PLK4: variants seen among roughly 807,000 people sequenced by gnomAD.
PLK4 encodes the protein polo like kinase 4.
Under a neutral mutation model 103.0 loss-of-function variants are expected in PLK4, and 51 were observed. The ratio of observed to expected loss-of-function variants is 0.50; its 90% confidence interval spans 0.40 to 0.63. The LOEUF (loss-of-function observed/expected upper bound fraction) is 0.63, where lower values mean the gene tolerates loss of function less well. Among genes scored for constraint, PLK4 ranks in the 20% least tolerant of loss-of-function variants. PLK4 has a pLI of 0.00. For missense variants in PLK4, 1,054 were observed against 1,151.0 expected, an observed-to-expected ratio of 0.92 and a Z score of 1.22; for synonymous variants, 389 against 376.8, an observed-to-expected ratio of 1.03 and a Z score of -0.38.
intron 10 of PLK4, 100 bp downstream of exon 10, chr4:127,892,614 T>C (rs1436731286): frequency 5.8e-6 from 5 of 863,002 alleles, no homozygotes; most frequent in Non-Finnish European, 9.3e-6. Context: ...GTTTTAAAGA[T>C]GTGTATGTAT....
Position 127,886,724 on chromosome 4 carries a change from G to T in PLK4, c.1354G>T (p.Ala452Ser). 3 of 1,588,360 alleles carry T rather than the reference G, an allele frequency of 1.9e-6. No individual in the cohort carries two copies. The South Asian group carries it at 3.4e-5, about 18-fold the overall frequency. ...GSFERPDNNQ[A>S]LSNHLCPGKT... ...TTTTGAAAGACCTGATAACAATCAA[G>T]CACTGTAAGAATAATTCTATCAGAG... The change falls in exon 5 of 16, where the codon GCA (alanine) becomes TCA (serine). Residue 452 changes from alanine to serine, a missense_variant. Physicochemically the swap from Ala to Ser is moderately conservative, Grantham distance 99. Transcript: ENST00000270861.
chr4:127,880,999 A>G lies in PLK4; in HGVS notation c.-136A>G, dbSNP rs897209984. ...GTCAGGGAGAACTTTCCGTGGTTTC[A>G]GCGTCGTCGCCTGGAGCGGCGGTTT... On this transcript the variant is annotated 5_prime_UTR_variant, in exon 1 of 16. Coordinates refer to ENST00000270861, the MANE Select transcript of PLK4 (RefSeq NM_014264.5). 3.2e-6 allele frequency: 3 copies of G among 950,514 alleles called. No individual in the cohort carries two copies. In the Admixed American group the frequency reaches 6.6e-5, roughly 21 times the overall value. The allele number at this position is 950,514 out of a possible 1,614,324, so 58.9% of individuals were successfully genotyped here. A position where few individuals can be genotyped will look rare whatever the true frequency, so the allele number is the denominator to read the frequency against.
Position 127,886,745 on chromosome 4 carries a change from CAG to C in PLK4, c.1358+20_1358+21del. ...TCAAGCACTGTAAGAATAATTCTAT[CAG>C]AGGCATTTTGTTTTTTGGTAACATT... On this transcript the variant is annotated intron_variant, in intron 5 of 15. Coordinates refer to ENST00000270861, the MANE Select transcript of PLK4 (RefSeq NM_014264.5). The C allele has an allele frequency of 6.5e-7, 1 of 1,532,876 alleles. No individual in the cohort carries two copies. Among genetic ancestry groups the C allele is most frequent in the East Asian group, 2.3e-5 (1 of 44,438 alleles). The allele number at this position is 1,532,876 out of a possible 1,614,324, so 95.0% of individuals were successfully genotyped here. A position where few individuals can be genotyped will look rare whatever the true frequency, so the allele number is the denominator to read the frequency against.
rs773608097 is a variant in PLK4, at chr4:127,881,011, T to G, written c.-124T>G. The G allele has an allele frequency of 9.1e-7, 1 of 1,104,516 alleles. No individual in the cohort carries two copies. Among genetic ancestry groups the G allele is most frequent in the Non-Finnish European group, 1.4e-6 (1 of 740,674 alleles). The allele number at this position is 1,104,516 out of a possible 1,614,324, so 68.4% of individuals were successfully genotyped here. On this transcript the variant is annotated 5_prime_UTR_variant, in exon 1 of 16. Transcript: ENST00000270861. Reference sequence around the variant, plus strand: ...TTTCCGTGGTTTCAGCGTCGTCGCCTGGAGCGGCGGTTTAGAGAGCCGAGC... The same window carrying G: ...TTTCCGTGGTTTCAGCGTCGTCGCCGGGAGCGGCGGTTTAGAGAGCCGAGC...
intron 14 of PLK4, among the ~76,000 whole-genome samples, chr4:127,895,865 G>C (rs979941922): frequency 6.6e-6 from 1 of 152,144 alleles, no homozygotes; most frequent in African/African-American, 2.4e-5. Flanking sequence ...GGAGTTTGAG[G>C]CCAGCCTGGG....
At position 127,894,024 on chromosome 4, in the gene PLK4, A is replaced by C. The variant is rs530234421; in HGVS notation, c.2562+143A>C. Reference sequence around the variant, plus strand: ...TGAGCCACTTTATCCCATACTATTTATGTTTGAGCGTCAAAGGCCTTCTTT... The same window carrying C: ...TGAGCCACTTTATCCCATACTATTTCTGTTTGAGCGTCAAAGGCCTTCTTT... On this transcript the variant is annotated intron_variant, in intron 13 of 15. Transcript: ENST00000270861. 6.9e-6 allele frequency: 4 copies of C among 579,134 alleles called. No individual in the cohort carries two copies. In the East Asian group the frequency reaches 1.1e-4, roughly 17 times the overall value. The allele number at this position is 579,134 out of a possible 1,614,324, so 35.9% of individuals were successfully genotyped here. A position where few individuals can be genotyped will look rare whatever the true frequency, so the allele number is the denominator to read the frequency against.
At chr4:127,891,409 A>C (rs957242071) in intron 8 of PLK4, among the ~76,000 whole-genome samples, 170 bp from the exon 9 acceptor site, 2 of 151,946 alleles carry the variant, frequency 1.3e-5, no homozygotes, top group Admixed American at 1.3e-4. Flanking sequence ...AGAAAATCTA[A>C]ACTTTTGGTT....
rs546049932 is a variant in PLK4, at chr4:127,895,369, C to G, written c.2703+276C>G. On this transcript the variant is annotated intron_variant, in intron 14 of 15. Transcript: ENST00000270861. ...TTTAAAGTAGAGGTCATGATAATTA[C>G]TAATTGTGAAGAGTAGAGTGTGATA... is the stretch of plus-strand genomic sequence containing the variant. 4.1e-5 allele frequency among the ~76,000 whole-genome samples: 6 copies of G among 147,334 alleles called. No homozygotes were observed. In the Admixed American group the frequency reaches 4.1e-4, roughly 10 times the overall value.
At chr4:127,881,724 T>G (rs748886063) in intron 1 of PLK4, 107 bp from the exon 2 acceptor site, 1 of 717,506 alleles carries the variant, frequency 1.4e-6, no homozygotes, top group Non-Finnish European at 2.4e-6. Context: ...CCGCTTGAAT[T>G]TTGTCAAATT....
chr4:127,898,311 T>A (rs1009728109), intron 15 of PLK4, 128 bp from the exon 16 acceptor site: 6 of 575,196 alleles, frequency 1.0e-5, no homozygotes, highest in African/African-American at 9.7e-5. Flanking sequence ...TAAATAATTG[T>A]TATAATTTTT....
chr4:127,889,987 C>T lies in PLK4; in HGVS notation c.1581C>T (p.Asn527=), dbSNP rs1464933065. 2 of 1,614,026 alleles carry T rather than the reference C, an allele frequency of 1.2e-6. No homozygotes were observed. Residue 527 remains asparagine (N), a synonymous_variant, in exon 7 of 16, where the codon AAC becomes AAT. Coordinates refer to ENST00000270861, the MANE Select transcript of PLK4 (RefSeq NM_014264.5). Reference sequence around the variant, plus strand: ...GGACTGATACAAAAGTCAAAAAGAACTCTGATGCTTCTGATAATGCACATT... The same window carrying T: ...GGACTGATACAAAAGTCAAAAAGAATTCTGATGCTTCTGATAATGCACATT... The part of the protein sequence containing the change: ...NAWTDTKVKK[N]SDASDNAHSV...
At position 127,881,215 on chromosome 4, in the gene PLK4, G is replaced by A; in HGVS notation, c.30+51G>A. 10 of 1,612,850 alleles carry A rather than the reference G, an allele frequency of 6.2e-6. No individual in the cohort carries two copies. In the South Asian group the frequency reaches 8.8e-5, roughly 14 times the overall value. Reference sequence around the variant, plus strand: ...GGGGCGGGTGGGAGTAATTGTGGGAGGACACGAGACCGCTGTGGGAAGGGG... The same window carrying A: ...GGGGCGGGTGGGAGTAATTGTGGGAAGACACGAGACCGCTGTGGGAAGGGG... On this transcript the variant is annotated intron_variant, in intron 1 of 15. Coordinates refer to ENST00000270861, the MANE Select transcript of PLK4 (RefSeq NM_014264.5).
chr4:127,891,673 AT>A lies in PLK4; in HGVS notation c.2033del (p.Leu678TyrfsTer19). 1 of 1,409,784 alleles carries A rather than the reference AT, an allele frequency of 7.1e-7. No homozygotes were observed. The highest frequency in any genetic ancestry group is 9.6e-7 in the Non-Finnish European group (1 of 1,043,914). The allele number at this position is 1,409,784 out of a possible 1,614,324, so 87.3% of individuals were successfully genotyped here. On this transcript the variant is annotated frameshift_variant, in exon 9 of 16. Coordinates refer to ENST00000270861, the MANE Select transcript of PLK4 (RefSeq NM_014264.5). LOFTEE classifies it high-confidence loss of function. ...AACATCAGTAGGTACAGCTTTGACAATTTACCAGGTATGTGAATTTACCAGG... is the reference window on the plus strand; with the variant it reads ...AACATCAGTAGGTACAGCTTTGACAATTACCAGGTATGTGAATTTACCAGG... ...TDNISRYSFD[N>X]LPEKYWRKYQ...
chr4:127,883,793 T>A (rs1735020019), intron 4 of PLK4, among the ~76,000 whole-genome samples: 1 of 152,208 alleles, frequency 6.6e-6, no homozygotes. Context: ...CATTTTAAAT[T>A]AAATTATTGG....
Position 127,893,802 on chromosome 4 carries a change from C to G in PLK4, c.2483C>G (p.Thr828Arg), listed in dbSNP as rs61735390. ...CCTTCTGTGGATTCAAATTACCCAA[C>G]GAGAGAGAGAGCATCTTTCAACAGA... ...PPPSVDSNYP[T>R]RERASFNRMV... The change falls in exon 13 of 16, where the codon ACG becomes AGG. Residue 828 changes from threonine to arginine, a missense_variant. Around this residue, in one of 4 missense-constraint regions of PLK4, gnomAD observed 167 missense variants for 200.7 expected, o/e 0.83. Coordinates refer to ENST00000270861, the MANE Select transcript of PLK4 (RefSeq NM_014264.5). 2.5e-6 allele frequency: 4 copies of G among 1,612,050 alleles called. No homozygotes were observed. In the East Asian group the frequency reaches 8.9e-5, roughly 36 times the overall value.
intron 6 of PLK4, among the ~76,000 whole-genome samples, 170 bp from the exon 7 acceptor site, chr4:127,889,696 C>T (rs1220780239): frequency 6.6e-6 from 1 of 152,184 alleles, no homozygotes; most frequent in African/African-American, 2.4e-5. Context: ...CTTTCAAAGT[C>T]ATGTCTTAAA....
Position 127,896,929 on chromosome 4 carries a change from C to T in PLK4, c.2810+22C>T, listed in dbSNP as rs764358125. The stretch of plus-strand genomic sequence containing the variant: ...CTAGGTAAGTTCTTAAAATACTGGT[C>T]GAGATTCAGCCCTTTGCTATAATTT... On this transcript the variant is annotated intron_variant, in intron 15 of 15. Transcript: ENST00000270861. The T allele has an allele frequency of 1.2e-5, 14 of 1,204,284 alleles. No individual in the cohort carries two copies. The East Asian group carries it at 1.6e-4, about 14-fold the overall frequency. 74.6% of individuals were successfully genotyped at this position (1,204,284 alleles called of 1,614,324 possible).
intron 6 of PLK4, among the ~76,000 whole-genome samples, chr4:127,888,751 A>G (rs539225679): frequency 3.5e-4 from 54 of 152,326 alleles, no homozygotes; most frequent in Admixed American, 1.2e-3. Flanking sequence ...AAAGAATAAA[A>G]GAGACATATG....
chr4:127,894,479 C>T (rs1213237304), intron 13 of PLK4, among the ~76,000 whole-genome samples: 7 of 152,122 alleles, frequency 4.6e-5, no homozygotes, highest in South Asian at 2.1e-4. Context: ...CCACCTGCCT[C>T]GGCCTCCCAA....
Sources: allele counts gnomAD v4.1 joint callset (sites outside exome capture counted in the v4.1 genomes callset), GRCh38; gene constraint gnomAD v4.1.1; regional missense constraint gnomAD v4.1.1; transcripts MANE v1.5; gene names NCBI Gene and HGNC (gene_info 2026-07-23, HGNC 2026-07-21).